The following PPM1J variants were observed in gnomAD, a reference collection of about 807,000 sequenced individuals.
PPM1J encodes protein phosphatase 1J.
In PPM1J, 43 loss-of-function variants were observed where a neutral mutation model predicts 53.3. The observed-to-expected ratio is 0.81, with a 90% CI of 0.63 to 1.04. The LOEUF (loss-of-function observed/expected upper bound fraction) is 1.04, where lower values mean the gene tolerates loss of function less well. Among genes scored for constraint, PPM1J ranks in the 50% least tolerant of loss-of-function variants. PPM1J has a pLI of 0.00. For missense variants in PPM1J, 635 were observed against 685.9 expected (o/e 0.93, Z 0.83); for synonymous variants, 267 against 286.4 (o/e 0.93, Z 0.68).
chr1:112,710,110 C>T lies in PPM1J; in HGVS notation c.*53G>A. 1 of 1,496,156 alleles carries T rather than the reference C, an allele frequency of 6.7e-7. No homozygotes were observed. The highest frequency in any genetic ancestry group is 2.4e-5 in the East Asian group (1 of 42,170). The allele number at this position is 1,496,156 out of a possible 1,614,324, so 92.7% of individuals were successfully genotyped here. A position where few individuals can be genotyped will look rare whatever the true frequency, so the allele number is the denominator to read the frequency against. On this transcript the variant is annotated 3_prime_UTR_variant, in exon 10 of 10. Transcript: ENST00000309276. ...CAGGGAGACAACTTCAGAATTTGGGCTGTGAGAGGAGTAAGTATGGAGAGG... is the reference window on the plus strand; with the variant it reads ...CAGGGAGACAACTTCAGAATTTGGGTTGTGAGAGGAGTAAGTATGGAGAGG...
chr1:112,710,186 C>T lies in PPM1J; in HGVS notation c.1495G>A (p.Gly499Arg). The part of the protein sequence containing the change: ...DDISVFVIPL[G>R]GPGSYS ...CCTCAGGAGTAACTGCCTGGCCCTC[C>T]CAGGGGGATGACGAAGACAGAGATG... is the stretch of plus-strand genomic sequence containing the variant. The change falls in exon 10 of 10, where the codon GGA (glycine) becomes AGA (arginine). Residue 499 changes from glycine to arginine, a missense_variant. By Grantham distance (125) the Gly-to-Arg change is moderately radical. Coordinates refer to ENST00000309276, the MANE Select transcript of PPM1J (RefSeq NM_005167.7). The T allele has an allele frequency of 6.4e-7, 1 of 1,574,024 alleles. No homozygotes were observed. The highest frequency in any genetic ancestry group is 8.6e-7 in the Non-Finnish European group (1 of 1,164,646).
At chr1:112,713,094 G>A in intron 2 of PPM1J, 63 bp from the exon 3 acceptor site, 1 of 1,378,030 alleles carries the variant, frequency 7.3e-7, no homozygotes, top group Non-Finnish European at 9.8e-7. Flanking sequence ...GTGTGTGTGT[G>A]TGTTATGCAA....
In PPM1J at chr1:112,712,057, T is replaced by C. The variant is rs1322176879; in HGVS notation, c.843-2A>G. On this transcript the variant is annotated splice_acceptor_variant, in intron 4 of 9. Transcript: ENST00000309276. LOFTEE classifies it high-confidence loss of function. Reference sequence around the variant, plus strand: ...TCACCATTCCGGACAATGATGGCCCTGCCCAAAGAAAGAAAAGGAATTGGG... The same window carrying C: ...TCACCATTCCGGACAATGATGGCCCCGCCCAAAGAAAGAAAAGGAATTGGG... 2 of 1,605,626 alleles carry C rather than the reference T, an allele frequency of 1.2e-6. No homozygotes were observed. Among genetic ancestry groups the C allele is most frequent in the African/African-American group, 2.7e-5 (2 of 74,804 alleles).
intron 2 of PPM1J, 63 bp from the exon 3 acceptor site, chr1:112,713,094 GTGTT>G: frequency 7.3e-7 from 1 of 1,378,030 alleles, no homozygotes; most frequent in Non-Finnish European, 9.8e-7. Flanking sequence ...GTGTGTGTGT[GTGTT>G]ATGCAAGGTG....
intron 5 of PPM1J, among the ~76,000 whole-genome samples, chr1:112,711,633 A>G (rs1227178389): frequency 6.6e-6 from 1 of 152,204 alleles, no homozygotes; most frequent in Non-Finnish European, 1.5e-5. Flanking sequence ...CACTCAGACC[A>G]GGATGCATCC....
chr1:112,714,763 G>C lies in PPM1J; in HGVS notation c.326+213C>G, dbSNP rs1056447491. The stretch of plus-strand genomic sequence containing the variant: ...GTGGGCGAGGGCAGTCAATGAGCGG[G>C]AAGGACGTGAAGAAGGTGACACAGG... On this transcript the variant is annotated intron_variant, in intron 1 of 9. Transcript: ENST00000309276. The C allele has an allele frequency of 1.3e-5, 16 of 1,257,494 alleles. No homozygotes were observed. The African/African-American group carries it at 2.3e-4, about 18-fold the overall frequency. 77.9% of individuals were successfully genotyped at this position (1,257,494 alleles called of 1,614,324 possible).
At chr1:112,711,669 G>T (rs1675064288) in intron 5 of PPM1J, among the ~76,000 whole-genome samples, 1 of 152,168 alleles carries the variant, frequency 6.6e-6, no homozygotes, top group Non-Finnish European at 1.5e-5. Flanking sequence ...ACAGCCACAT[G>T]CGTTTAGGCA....
In PPM1J at chr1:112,712,030, T is replaced by C; in HGVS notation, c.868A>G (p.Ile290Val). ...GTAAACTCCCGGGACATTGGAATGA[T>C]TTCACCATTCCGGACAATGATGGCC... is the stretch of plus-strand genomic sequence containing the variant. ...SRAIIVRNGE[I>V]IPMSREFTPE... Residue 290 changes from isoleucine (I) to valine (V), a missense_variant, in exon 5 of 10, where the codon ATC becomes GTC. Coordinates refer to ENST00000309276, the MANE Select transcript of PPM1J (RefSeq NM_005167.7). The C allele has an allele frequency of 6.2e-7, 1 of 1,610,522 alleles. No homozygotes were observed.
intron 5 of PPM1J, 105 bp from the exon 6 acceptor site, chr1:112,711,489 A>G: frequency 1.5e-6 from 1 of 655,058 alleles, no homozygotes; most frequent in Non-Finnish European, 2.7e-6. Flanking sequence ...AACAGAGTTT[A>G]CCATGTGCCA....
chr1:112,713,401 T>C, intron 2 of PPM1J, 96 bp downstream of exon 2: 1 of 821,500 alleles, frequency 1.2e-6, no homozygotes, highest in South Asian at 1.4e-5. Flanking sequence ...GCCAGTGAGT[T>C]CATCAGGTCT....
At chr1:112,713,064 T>TGTG (rs1675109773) in intron 2 of PPM1J, 33 bp from the exon 3 acceptor site, 102 of 1,032,526 alleles carry the variant, frequency 9.9e-5, no homozygotes, top group Non-Finnish European at 1.4e-4. Context: ...TGAGTTTTGT[T>TGTG]TGTGTGTGTG....
In PPM1J at chr1:112,713,130, C is replaced by T. The variant is rs1242824390; in HGVS notation, c.442-99G>A. The T allele has an allele frequency of 8.0e-6, 9 of 1,130,550 alleles. No individual in the cohort carries two copies. The East Asian group carries it at 2.2e-4, about 28-fold the overall frequency. 70.0% of individuals were successfully genotyped at this position (1,130,550 alleles called of 1,614,324 possible). A position where few individuals can be genotyped will look rare whatever the true frequency, so the allele number is the denominator to read the frequency against. Reference sequence around the variant, plus strand: ...GGTGAATAACAAGACTCTGGGCATCCATACAAACATCTGAGAGGTCAGTGT... The same window carrying T: ...GGTGAATAACAAGACTCTGGGCATCTATACAAACATCTGAGAGGTCAGTGT... On this transcript the variant is annotated intron_variant, in intron 2 of 9. Coordinates refer to ENST00000309276, the MANE Select transcript of PPM1J (RefSeq NM_005167.7).
rs530725749 is a variant in PPM1J at position 112,713,094 on chromosome 1, GT to G, written c.442-64del. The G allele has an allele frequency of 9.9e-5, 136 of 1,378,026 alleles. No homozygotes were observed. In the African/African-American group the frequency reaches 1.8e-3, roughly 18 times the overall value. 85.4% of individuals were successfully genotyped at this position (1,378,026 alleles called of 1,614,324 possible). ...TGTGTGTGTGTGTGTGTGTGTGTGT[GT>G]GTTATGCAAGGTGAATAACAAGACT... On this transcript the variant is annotated intron_variant, in intron 2 of 9. Transcript: ENST00000309276.
In PPM1J at chr1:112,710,629, C is replaced by T; in HGVS notation, c.1219-18G>A. On this transcript the variant is annotated intron_variant, in intron 8 of 9. Coordinates refer to ENST00000309276, the MANE Select transcript of PPM1J (RefSeq NM_005167.7). ...ACTCGTACCTGGTGGGAGAAAAGGG[C>T]AGAGAGGATTGAGGTGTGGGGTTTG... 1 of 1,614,034 alleles carries T rather than the reference C, an allele frequency of 6.2e-7. No individual in the cohort carries two copies. Among genetic ancestry groups the T allele is most frequent in the East Asian group, 2.2e-5 (1 of 44,874 alleles).
In PPM1J at chr1:112,711,309, G is replaced by C. The variant is rs780075245; in HGVS notation, c.1003C>G (p.Leu335Val). Residue 335 changes from leucine (L) to valine (V), a missense_variant, in exon 6 of 10, where the codon CTG becomes GTG. By Grantham distance (32) the Leu-to-Val change is conservative. Transcript: ENST00000309276. Reference protein sequence around the residue: ...EFPRRVLPKELGQRMLYRDQN... With the variant: ...EFPRRVLPKEVGQRMLYRDQN... ...TCCCGGTACAACATCCTCTGCCCCA[G>C]CTCCTTGGGCAGAACTCTGCGGGGG... 6.2e-7 allele frequency: 1 copy of C among 1,607,900 alleles called. No homozygotes were observed.
In PPM1J at chr1:112,710,792, G is replaced by A; in HGVS notation, c.1170C>T (p.Val390=). The A allele has an allele frequency of 6.2e-7, 1 of 1,614,038 alleles. No homozygotes were observed. Among genetic ancestry groups the A allele is most frequent in the Non-Finnish European group, 8.5e-7 (1 of 1,179,942 alleles). The stretch of plus-strand genomic sequence containing the variant: ...GCTTGATGGGCAGGGTGGAACTGCA[G>A]ACCTTAAGGCTGTGGTCTCCCAAGC... ...TRGLGDHSLK[V]CSSTLPIKPF... The change falls in exon 8 of 10, where the codon GTC becomes GTT. Residue 390 remains valine (V), a synonymous_variant. Transcript: ENST00000309276.
At chr1:112,713,094 G>GTA in intron 2 of PPM1J, 63 bp from the exon 3 acceptor site, 3 of 1,378,030 alleles carry the variant, frequency 2.2e-6, no homozygotes, top group Non-Finnish European at 3.0e-6. Context: ...GTGTGTGTGT[G>GTA]TGTTATGCAA....
chr1:112,711,244 C>T (rs761728814), intron 6 of PPM1J, 22 bp downstream of exon 6: 6 of 1,579,922 alleles, frequency 3.8e-6, no homozygotes, highest in Non-Finnish European at 5.2e-6. Flanking sequence ...GGAACGGGCC[C>T]CAGCTCTGAG....
chr1:112,715,313 GCCCCGCCCTCGGCCGCGGCCCCGC>G (rs1675177218), exon 1 of PPM1J: 2 of 1,240,538 alleles, frequency 1.6e-6, no homozygotes, highest in South Asian at 7.0e-5. The surrounding 1 kb of genome is among the most constrained non-coding windows in gnomAD (Gnocchi z 4.4). Flanking sequence ...CTGCCTCCCT[GCCCCGCCCTCGGCCGCGGCCCCGC>G]CCCCGCCCAG....
Sources: gnomAD v4.1 joint callset for allele counts (sites outside exome capture counted in the v4.1 genomes callset) on GRCh38, gnomAD v4.1.1 for gene constraint, Gnocchi (gnomAD v3.1) non-coding constraint, MANE v1.5 for transcripts, NCBI Gene and HGNC (gene_info 2026-07-23, HGNC 2026-07-21) for gene names.